The following TASL variants were observed in gnomAD, a reference collection of about 807,000 sequenced individuals.
TASL encodes TLR adaptor interacting with endolysosomal SLC15A4.
In TASL, 6 loss-of-function variants were observed where a neutral mutation model predicts 12.9. That is an observed-to-expected ratio of 0.46 (90% confidence interval 0.25 to 0.92). The LOEUF (loss-of-function observed/expected upper bound fraction) is 0.92, where lower values mean the gene tolerates loss of function less well. Among genes scored for constraint, TASL ranks in the 40% least tolerant of loss-of-function variants. The pLI, the probability that TASL is intolerant of heterozygous loss-of-function variation, is 0.17. For missense variants in TASL, 165 were observed against 212.8 expected, an observed-to-expected ratio of 0.78 and a Z score of 1.40; for synonymous variants, 85 against 79.3, an observed-to-expected ratio of 1.07 and a Z score of -0.38.
chrX:30,560,253 T>C lies in TASL; in HGVS notation c.103A>G (p.Thr35Ala), dbSNP rs1204949812. The change falls in exon 3 of 3, where the codon ACA (threonine) becomes GCA (alanine). Residue 35 changes from threonine to alanine, a missense_variant. Thr to Ala is a moderately conservative substitution (Grantham distance 58). Coordinates refer to ENST00000378962, the MANE Select transcript of TASL (RefSeq NM_025159.3). ...TAGGAAAGGGTAGCAACAGAATTTG[T>C]CTCCTCTTCCTTTTCCCCAGCCACC... ...EQVAGEKEEE[T>A]NSVATLSYSS... 8.3e-7 allele frequency: 1 copy of C among 1,210,363 alleles called. No homozygotes were observed. The highest frequency in any genetic ancestry group is 1.7e-5 in the African/African-American group (1 of 57,719).
chrX:30,564,011 T>A (rs997201690), intron 2 of TASL, among the ~76,000 whole-genome samples: 3 of 111,506 alleles, frequency 2.7e-5, no homozygotes, highest in Non-Finnish European at 5.6e-5. Context: ...AAGTCTGATA[T>A]GAGAAACATC....
At chrX:30,570,913 G>A (rs1176397094) in intron 2 of TASL, among the ~76,000 whole-genome samples, 5 of 111,043 alleles carry the variant, frequency 4.5e-5, no homozygotes, top group African/African-American at 6.6e-5. Flanking sequence ...GGGTGCAGTG[G>A]TTCACACCTA....
At chrX:30,562,167 G>A (rs764814792) in intron 2 of TASL, among the ~76,000 whole-genome samples, 21 of 111,984 alleles carry the variant, frequency 1.9e-4, no homozygotes, top group South Asian at 7.4e-4. Flanking sequence ...AGAAATAATC[G>A]TTTGGGAGAA....
At chrX:30,577,588 G>A (rs1047206388) in intron 1 of TASL, 50 bp downstream of exon 1, 1 of 111,998 alleles carries the variant, frequency 8.9e-6, no homozygotes, top group East Asian at 2.8e-4. Flanking sequence ...GAAGACAGAT[G>A]ACAAAAAATA....
At chrX:30,566,088 G>C (rs756460874) in intron 2 of TASL, among the ~76,000 whole-genome samples, 1 of 110,632 alleles carries the variant, frequency 9.0e-6, no homozygotes, top group African/African-American at 3.3e-5. Flanking sequence ...GCAATTTAAA[G>C]TTCATTGGTT....
In TASL at chrX:30,560,059, T is replaced by A; in HGVS notation, c.297A>T (p.Ala99=). Residue 99 remains alanine, a synonymous_variant, in exon 3 of 3, where the codon GCA becomes GCT. Transcript: ENST00000378962. ...NPVFESPNLA[A]VEICRDASRE... ...TGCTGGCATCTCTACATATTTCAAC[T>A]GCAGCCAAGTTTGGGCTTTCAAACA... is the stretch of plus-strand genomic sequence containing the variant. The A allele has an allele frequency of 1.7e-6, 2 of 1,211,829 alleles. No individual in the cohort carries two copies. Among genetic ancestry groups the A allele is most frequent in the Non-Finnish European group, 2.2e-6 (2 of 895,434 alleles).
At chrX:30,561,640 C>T (rs1930426087) in intron 2 of TASL, among the ~76,000 whole-genome samples, 1 of 111,376 alleles carries the variant, frequency 9.0e-6, no homozygotes. Context: ...TTATTGTTTC[C>T]CAGGTAAATA....
At chrX:30,574,580 C>G (rs1490207977) in intron 2 of TASL, among the ~76,000 whole-genome samples, 2 of 111,139 alleles carry the variant, frequency 1.8e-5, no homozygotes, top group Non-Finnish European at 3.8e-5. Flanking sequence ...TGGCCACACA[C>G]AAATGGAGGC....
chrX:30,565,668 ACTACT>A (rs61307702), intron 2 of TASL, among the ~76,000 whole-genome samples: 5,213 of 112,115 alleles, frequency 0.046, 263 homozygotes, highest in African/African-American at 0.16. Flanking sequence ...TTGTCACATG[ACTACT>A]CTATGGAACA....
intron 2 of TASL, among the ~76,000 whole-genome samples, chrX:30,571,837 A>G (rs1233854911): frequency 9.0e-6 from 1 of 110,965 alleles, no homozygotes; most frequent in East Asian, 2.8e-4. Context: ...TCAAGGGTAT[A>G]TAAAAGGTAC....
intron 2 of TASL, among the ~76,000 whole-genome samples, chrX:30,573,522 CT>C: frequency 8.9e-6 from 1 of 112,205 alleles, no homozygotes. Context: ...AATTTATCCT[CT>C]TTTTTTTAAT....
At chrX:30,562,897 TACACACACACAC>T (rs72184120) in intron 2 of TASL, among the ~76,000 whole-genome samples, 13 of 85,139 alleles carry the variant, frequency 1.5e-4, no homozygotes, top group Admixed American at 1.4e-3. Context: ...AAAGGTATAA[TACACACACACAC>T]ACACACACAC....
rs1017655976 is a variant in TASL, at chrX:30,559,660, A to G, written c.696T>C (p.His232=). The G allele has an allele frequency of 7.4e-6, 9 of 1,209,605 alleles. No individual in the cohort carries two copies. Among genetic ancestry groups the G allele is most frequent in the African/African-American group, 1.7e-5 (1 of 57,833 alleles). Residue 232 remains histidine (H), a synonymous_variant, in exon 3 of 3, where the codon CAT becomes CAC. Coordinates refer to ENST00000378962, the MANE Select transcript of TASL (RefSeq NM_025159.3). ...CCAGAATCTGGGTAGGAGAACTGTC[A>G]TGAAACACGGTGTCCATAATGTACT... ...YKQYIMDTVF[H]DSSPTQILAS...
intron 2 of TASL, among the ~76,000 whole-genome samples, chrX:30,569,938 G>A (rs970382256): frequency 1.8e-5 from 2 of 109,664 alleles, no homozygotes; most frequent in Non-Finnish European, 3.8e-5. Flanking sequence ...TTGAACCCAG[G>A]AGGTGGAGAT....
chrX:30,576,989 A>G (rs896399953), intron 1 of TASL, 123 bp from the exon 2 acceptor site: 5 of 112,484 alleles, frequency 4.4e-5, no homozygotes, highest in Admixed American at 1.9e-4. Context: ...TAATTCAAAC[A>G]AAACTCCACT....
chrX:30,563,456 T>C (rs981088677), intron 2 of TASL, among the ~76,000 whole-genome samples: 5 of 112,227 alleles, frequency 4.5e-5, no homozygotes, highest in Non-Finnish European at 9.4e-5. Context: ...TTCCCCTAAA[T>C]GTTGAGGAAT....
intron 2 of TASL, among the ~76,000 whole-genome samples, chrX:30,570,186 G>C (rs936743255): frequency 9.3e-6 from 1 of 108,058 alleles, no homozygotes; most frequent in Non-Finnish European, 1.9e-5. Context: ...ATGGAGAATT[G>C]TATATATTTT....
chrX:30,561,951 T>C (rs1270921723), intron 2 of TASL, among the ~76,000 whole-genome samples: 1 of 110,380 alleles, frequency 9.1e-6, no homozygotes, highest in Non-Finnish European at 1.9e-5. Flanking sequence ...CAATCTTACC[T>C]ACACGGAAAG....
At chrX:30,560,506 G>A in intron 2 of TASL, 150 bp from the exon 3 acceptor site, 1 of 441,883 alleles carries the variant, frequency 2.3e-6, no homozygotes, top group Non-Finnish European at 3.8e-6. Context: ...CTGTGTACCA[G>A]GACTATGGCA....
Sources: gnomAD v4.1 joint callset for allele counts (sites outside exome capture counted in the v4.1 genomes callset) on GRCh38, gnomAD v4.1.1 for gene constraint, MANE v1.5 for transcripts, NCBI Gene and HGNC (gene_info 2026-07-23, HGNC 2026-07-21) for gene names.